Variants in TASOR observed in about 807,000 individuals in gnomAD.
The protein encoded by TASOR is protein TASOR.
Under a neutral mutation model 178.6 loss-of-function variants are expected in TASOR, and 53 were observed. That is an observed-to-expected ratio of 0.30 (90% confidence interval 0.24 to 0.37). The LOEUF is 0.37. TASOR is among the 10% of genes least tolerant of loss of function. The pLI, the probability that TASOR is intolerant of heterozygous loss-of-function variation, is 1.00. For synonymous variants in TASOR, 713 were observed against 696.2 expected, an observed-to-expected ratio of 1.02 and a Z score of -0.38; for missense variants, 1,815 against 1,971.4, an observed-to-expected ratio of 0.92 and a Z score of 1.50.
chr3:56,646,619 G>T lies in TASOR; in HGVS notation c.2118C>A (p.Ser706Arg), dbSNP rs2077244192. The T allele has an allele frequency of 1.2e-6, 2 of 1,613,366 alleles. No homozygotes were observed. Among genetic ancestry groups the T allele is most frequent in the Non-Finnish European group, 1.7e-6 (2 of 1,179,996 alleles). Residue 706 changes from serine (S) to arginine (R), a missense_variant, in exon 14 of 24, where the codon AGC becomes AGA. Transcript: ENST00000683822. Reference protein sequence around the residue: ...GGDSDTEDMRSKTVLKRKLED... With the variant: ...GGDSDTEDMRRKTVLKRKLED... ...CAAGCTTCCTCTTCAAGACAGTTTT[G>T]CTTCTCATATCTTCTGTGTCTGAGT... is the stretch of plus-strand genomic sequence containing the variant.
Position 56,622,712 on chromosome 3 carries a change from A to G in TASOR, c.*325T>C, listed in dbSNP as rs577625443. 5.8e-6 allele frequency: 1 copy of G among 172,392 alleles called. No individual in the cohort carries two copies. The highest frequency in any genetic ancestry group is 2.0e-4 in the South Asian group (1 of 5,056). 10.7% of individuals were successfully genotyped at this position (172,392 alleles called of 1,614,324 possible). ...ACTTTATATCAGGTGACATTAGAGA[A>G]AAAGAAGTAAAGCCTTTGCTGTTTA... On this transcript the variant is annotated 3_prime_UTR_variant, in exon 24 of 24. Transcript: ENST00000683822.
rs1218546043 is a variant in TASOR, at chr3:56,620,495, T to C, written c.*2542A>G. On this transcript the variant is annotated 3_prime_UTR_variant, in exon 24 of 24. Transcript: ENST00000683822. ...GTTAGTTTTGATTCACTATATACTC[T>C]CTGTACTTGAGGAAGAGTAAGCTGT... The C allele has an allele frequency of 3.9e-5, 6 of 152,292 alleles. No homozygotes were observed. The highest frequency in any genetic ancestry group is 2.1e-4 in the South Asian group (1 of 4,830). 9.4% of individuals were successfully genotyped at this position (152,292 alleles called of 1,614,324 possible). A position where few individuals can be genotyped will look rare whatever the true frequency, so the allele number is the denominator to read the frequency against.
intron 14 of TASOR, 85 bp downstream of exon 14, chr3:56,646,437 G>T: frequency 2.7e-6 from 3 of 1,129,072 alleles, no homozygotes; most frequent in Non-Finnish European, 3.8e-6. Context: ...TTGACCCTCA[G>T]GCTTTAATTT....
At chr3:56,673,907 G>A (rs2030999259) in intron 1 of TASOR, among the ~76,000 whole-genome samples, 182 bp from the exon 2 acceptor site, 2 of 152,044 alleles carry the variant, frequency 1.3e-5, no homozygotes, top group South Asian at 4.1e-4. Context: ...AAAACTAGTT[G>A]CCTACATACA....
chr3:56,649,139 T>C (rs2077297435), intron 11 of TASOR, 82 bp from the exon 12 acceptor site: 9 of 1,028,854 alleles, frequency 8.7e-6, no homozygotes, highest in South Asian at 6.3e-5. Context: ...TTTCTACTAA[T>C]TGTAAAGAAA....
intron 18 of TASOR, among the ~76,000 whole-genome samples, chr3:56,630,652 T>G (rs2076890205): frequency 6.6e-6 from 1 of 152,124 alleles, no homozygotes; most frequent in Non-Finnish European, 1.5e-5. Flanking sequence ...GAGACCAGCC[T>G]GGCCAACATG....
intron 2 of TASOR, among the ~76,000 whole-genome samples, chr3:56,673,164 A>C (rs1227201554): frequency 6.6e-6 from 1 of 152,250 alleles, no homozygotes; most frequent in Non-Finnish European, 1.5e-5. Flanking sequence ...TAAGATTTTC[A>C]GTTAAAAAGT....
chr3:56,646,694 G>A lies in TASOR; in HGVS notation c.2043C>T (p.Val681=), dbSNP rs1169689872. 2 of 1,613,704 alleles carry A rather than the reference G, an allele frequency of 1.2e-6. No homozygotes were observed. Among genetic ancestry groups the A allele is most frequent in the Non-Finnish European group, 1.7e-6 (2 of 1,179,976 alleles). ...SHSLDYDKDR[V]KELINLIQCR... is the part of the protein sequence containing the mutation. Reference sequence around the variant, plus strand: ...ACTGAATTAAATTAATCAATTCTTTGACTCTATCCTTATCATAATCCAAAG... The same window carrying A: ...ACTGAATTAAATTAATCAATTCTTTAACTCTATCCTTATCATAATCCAAAG... The change falls in exon 14 of 24, where the codon GTC becomes GTT. Residue 681 remains valine (V), a synonymous_variant. Transcript: ENST00000683822.
At chr3:56,655,533 G>A (rs1235211292) in intron 11 of TASOR, among the ~76,000 whole-genome samples, 4 of 152,080 alleles carry the variant, frequency 2.6e-5, no homozygotes, top group African/African-American at 9.7e-5. Context: ...TTGGGAGGTG[G>A]AGGCATGAGG....
chr3:56,675,606 A>G (rs1423608898), intron 1 of TASOR, among the ~76,000 whole-genome samples: 1 of 152,280 alleles, frequency 6.6e-6, no homozygotes, highest in Admixed American at 6.5e-5. Context: ...AAGTCTATAC[A>G]TATATATATT....
rs779036677 is a variant in TASOR at position 56,621,511 on chromosome 3, CAT to C, written c.*1524_*1525del. 6.0e-6 allele frequency: 9 copies of C among 1,508,500 alleles called. No homozygotes were observed. The South Asian group carries it at 8.5e-5, about 14-fold the overall frequency. The allele number at this position is 1,508,500 out of a possible 1,614,324, so 93.4% of individuals were successfully genotyped here. On this transcript the variant is annotated 3_prime_UTR_variant, in exon 24 of 24. Coordinates refer to ENST00000683822, the MANE Select transcript of TASOR (RefSeq NM_001365635.2). The stretch of plus-strand genomic sequence containing the variant: ...CAGGTGTGCACATTTTACTAACAAA[CAT>C]ATATCAATGTGATTTCAGGGCCTTC...
chr3:56,669,858 C>G (rs894970464), intron 4 of TASOR, 67 bp from the exon 5 acceptor site: 7 of 1,181,236 alleles, frequency 5.9e-6, no homozygotes, highest in Non-Finnish European at 8.4e-6. Context: ...TAAAATAAGA[C>G]ATTTTTAAGA....
chr3:56,647,296 A>C, intron 13 of TASOR, 73 bp from the exon 14 acceptor site: 1 of 1,211,712 alleles, frequency 8.3e-7, no homozygotes, highest in Non-Finnish European at 1.1e-6. Flanking sequence ...ACAGATCTAA[A>C]TATTGCCAAA....
chr3:56,620,727 T>C lies in TASOR; in HGVS notation c.*2310A>G, dbSNP rs2076362324. 1 of 152,246 alleles carries C rather than the reference T, an allele frequency of 6.6e-6. No homozygotes were observed. Among genetic ancestry groups the C allele is most frequent in the Admixed American group, 6.5e-5 (1 of 15,276 alleles). The allele number at this position is 152,246 out of a possible 1,614,324, so 9.4% of individuals were successfully genotyped here. ...AAGTGTTAGTTTACTTCTTGCTTAG[T>C]GGAGACAAAAATTGTGAGATAAAGA... is the stretch of plus-strand genomic sequence containing the variant. On this transcript the variant is annotated 3_prime_UTR_variant, in exon 24 of 24. Coordinates refer to ENST00000683822, the MANE Select transcript of TASOR (RefSeq NM_001365635.2).
At chr3:56,652,794 G>A (rs2077379912) in intron 11 of TASOR, among the ~76,000 whole-genome samples, 1 of 152,086 alleles carries the variant, frequency 6.6e-6, no homozygotes, top group Middle Eastern at 3.4e-3. Context: ...CATTCCCTGT[G>A]AAATTAAAAA....
At chr3:56,636,240 T>C (rs2077013130) in intron 17 of TASOR, among the ~76,000 whole-genome samples, 2 of 149,722 alleles carry the variant, frequency 1.3e-5, no homozygotes, top group South Asian at 2.2e-4. Context: ...ATTGCACCAC[T>C]GCACTCCAGC....
At position 56,621,349 on chromosome 3, in the gene TASOR, C is replaced by G. The variant is rs1327456825; in HGVS notation, c.*1688G>C. ...TTTTTATGCTAAAAACAGAATCTTA[C>G]AAATGTGATAGCTATATATCCAAAT... On this transcript the variant is annotated 3_prime_UTR_variant, in exon 24 of 24. Coordinates refer to ENST00000683822, the MANE Select transcript of TASOR (RefSeq NM_001365635.2). The G allele has an allele frequency of 2.5e-6, 1 of 406,956 alleles. No individual in the cohort carries two copies. The highest frequency in any genetic ancestry group is 5.6e-5 in the South Asian group (1 of 17,874). The allele number at this position is 406,956 out of a possible 1,614,324, so 25.2% of individuals were successfully genotyped here.
intron 18 of TASOR, among the ~76,000 whole-genome samples, chr3:56,630,200 C>T (rs927096025): frequency 1.3e-5 from 2 of 151,972 alleles, no homozygotes; most frequent in South Asian, 2.1e-4. Flanking sequence ...CTCCTGACCT[C>T]GTGATCTGCC....
At chr3:56,637,463 G>A (rs1205212270) in intron 17 of TASOR, among the ~76,000 whole-genome samples, 1 of 152,042 alleles carries the variant, frequency 6.6e-6, no homozygotes, top group Admixed American at 6.5e-5. Context: ...AGAGGTTGCA[G>A]TGAACCAAGA....
Sources: allele counts gnomAD v4.1 joint callset (sites outside exome capture counted in the v4.1 genomes callset), GRCh38; gene constraint gnomAD v4.1.1; transcripts MANE v1.5; gene names NCBI Gene and HGNC (gene_info 2026-07-23, HGNC 2026-07-21).